The following PLCB1 variants were observed in gnomAD, a reference collection of about 807,000 sequenced individuals.
The protein encoded by PLCB1 is phospholipase C beta 1, also known as 1-phosphatidylinositol 4,5-bisphosphate phosphodiesterase beta-1.
In PLCB1, 46 loss-of-function variants were observed where a neutral mutation model predicts 161.8. That is an observed-to-expected ratio of 0.28 (90% CI 0.22 to 0.36). The LOEUF is 0.36. Among genes scored for constraint, PLCB1 ranks in the 10% least tolerant of loss-of-function variants. The pLI is 1.00. For missense variants in PLCB1, 1,016 were observed against 1,472.5 expected (o/e 0.69, Z 5.07); for synonymous variants, 517 against 503.7 (o/e 1.03, Z -0.35).
At chr20:8,371,549 T>C (rs1600350982) in intron 3 of PLCB1, 99 bp downstream of exon 3, 1 of 782,420 alleles carries the variant, frequency 1.3e-6, no homozygotes. Flanking sequence ...TTCTATGTTA[T>C]AGATGTTGTA....
At chr20:8,233,948 T>A (rs1194397727) in intron 2 of PLCB1, among the ~76,000 whole-genome samples, 1 of 152,194 alleles carries the variant, frequency 6.6e-6, no homozygotes, top group Non-Finnish European at 1.5e-5. Context: ...TTCCATTGTG[T>A]GGATGTTCCA....
chr20:8,733,269 T>C lies in PLCB1; in HGVS notation c.1920T>C (p.Tyr640=). 6.2e-7 allele frequency: 1 copy of C among 1,613,964 alleles called. No individual in the cohort carries two copies. Among genetic ancestry groups the C allele is most frequent in the Non-Finnish European group, 8.5e-7 (1 of 1,179,926 alleles). The stretch of plus-strand genomic sequence containing the variant: ...CTATGCAAATAAATATGGGGATGTA[T>C]GAATACAACGGGAAGAGTGGCTACA... ...DLAMQINMGM[Y]EYNGKSGYRL... is the part of the protein sequence containing the mutation. Residue 640 remains tyrosine (Y), a synonymous_variant, in exon 19 of 32, where the codon TAT becomes TAC. Coordinates refer to ENST00000338037, the MANE Select transcript of PLCB1 (RefSeq NM_015192.4).
intron 3 of PLCB1, among the ~76,000 whole-genome samples, chr20:8,462,104 A>G (rs1981606112): frequency 1.3e-5 from 2 of 152,254 alleles, no homozygotes; most frequent in African/African-American, 4.8e-5. Context: ...GTATTTACAC[A>G]CACACATATG....
chr20:8,774,333 G>A (rs191379182), intron 26 of PLCB1, among the ~76,000 whole-genome samples: 1 of 152,156 alleles, frequency 6.6e-6, no homozygotes, highest in Non-Finnish European at 1.5e-5. Flanking sequence ...TCTTTCTAGA[G>A]CACCATGAAT....
intron 31 of PLCB1, among the ~76,000 whole-genome samples, chr20:8,822,617 A>G (rs1297232932): frequency 6.6e-6 from 1 of 152,244 alleles, no homozygotes; most frequent in African/African-American, 2.4e-5. Context: ...CACCAATGCC[A>G]GAGTTTCCAC....
At chr20:8,609,127 C>A (rs1032336434) in intron 3 of PLCB1, among the ~76,000 whole-genome samples, 1 of 152,144 alleles carries the variant, frequency 6.6e-6, no homozygotes, top group African/African-American at 2.4e-5. Context: ...ATGCAGTAGG[C>A]ATGTCAACAG....
intron 2 of PLCB1, among the ~76,000 whole-genome samples, chr20:8,368,434 C>T (rs924083646): frequency 7.0e-5 from 10 of 143,100 alleles, no homozygotes; most frequent in African/African-American, 2.4e-4. Flanking sequence ...GGCTGAGGCA[C>T]GAGAATCACT....
At chr20:8,517,083 T>C (rs1373624576) in intron 3 of PLCB1, among the ~76,000 whole-genome samples, 1 of 151,830 alleles carries the variant, frequency 6.6e-6, no homozygotes, top group Non-Finnish European at 1.5e-5. Flanking sequence ...AATAGAGGGG[T>C]TGGGCGTTCC....
intron 2 of PLCB1, among the ~76,000 whole-genome samples, chr20:8,352,364 T>TA (rs1291396655): frequency 1.3e-5 from 2 of 152,080 alleles, no homozygotes; most frequent in Admixed American, 6.5e-5. Context: ...TGAATCTTTT[T>TA]AGGATAGGGA....
intron 1 of PLCB1, among the ~76,000 whole-genome samples, chr20:8,146,096 GTT>G (rs937343961): frequency 3.0e-5 from 3 of 101,306 alleles, no homozygotes; most frequent in African/African-American, 1.7e-4. Context: ...TACTGTTTTT[GTT>G]TTTTTTGTTT....
At chr20:8,827,374 T>A in intron 31 of PLCB1, among the ~76,000 whole-genome samples, 1 of 152,204 alleles carries the variant, frequency 6.6e-6, no homozygotes, top group Non-Finnish European at 1.5e-5. Flanking sequence ...CCCAGAGTTA[T>A]GGCTATATAA....
chr20:8,502,058 A>G (rs1159164882), intron 3 of PLCB1, among the ~76,000 whole-genome samples: 1 of 151,626 alleles, frequency 6.6e-6, no homozygotes, highest in Non-Finnish European at 1.5e-5. Flanking sequence ...GCTTCATTTC[A>G]TTTGTTAAAT....
chr20:8,334,706 C>T (rs1269533591), intron 2 of PLCB1, among the ~76,000 whole-genome samples: 9 of 152,146 alleles, frequency 5.9e-5, no homozygotes, highest in South Asian at 2.1e-4. Flanking sequence ...TTTTGACAGC[C>T]GTGACTTAGA....
At chr20:8,745,970 C>A (rs994406955) in intron 23 of PLCB1, among the ~76,000 whole-genome samples, 3 of 152,190 alleles carry the variant, frequency 2.0e-5, no homozygotes, top group African/African-American at 7.2e-5. Context: ...CTCGCTCTGT[C>A]GTCCAGGCTG....
At chr20:8,655,918 A>G (rs572699505) in intron 7 of PLCB1, among the ~76,000 whole-genome samples, 5 of 152,156 alleles carry the variant, frequency 3.3e-5, no homozygotes, top group Admixed American at 3.3e-4. Context: ...CTGAAAAGTG[A>G]GCACTCTCCG....
At chr20:8,631,831 A>G (rs932308014) in intron 4 of PLCB1, among the ~76,000 whole-genome samples, 3 of 152,192 alleles carry the variant, frequency 2.0e-5, no homozygotes, top group Admixed American at 6.5e-5. Context: ...AATCTTTTGG[A>G]TGTCTCCAGG....
intron 3 of PLCB1, among the ~76,000 whole-genome samples, chr20:8,468,991 C>A (rs918911912): frequency 3.3e-5 from 5 of 152,048 alleles, no homozygotes; most frequent in African/African-American, 1.2e-4. Context: ...CAAGTTCCAC[C>A]CCCCGTAGTG....
At chr20:8,715,872 C>G (rs574320028) in intron 12 of PLCB1, 49 of 176,338 alleles carry the variant, frequency 2.8e-4, no homozygotes, top group Middle Eastern at 2.6e-3. Context: ...TTACAAATTT[C>G]ACTTGATAAT....
At chr20:8,276,833 G>A (rs949754996) in intron 2 of PLCB1, among the ~76,000 whole-genome samples, 3 of 151,738 alleles carry the variant, frequency 2.0e-5, no homozygotes, top group African/African-American at 4.8e-5. Flanking sequence ...CCATAGCCCC[G>A]CCATGAAATA....
Sources: gnomAD v4.1 joint callset for allele counts (sites outside exome capture counted in the v4.1 genomes callset) on GRCh38, gnomAD v4.1.1 for gene constraint, MANE v1.5 for transcripts, NCBI Gene and HGNC (gene_info 2026-07-23, HGNC 2026-07-21) for gene names.